Variants in PIK3R2 observed in about 807,000 individuals in gnomAD.
The protein encoded by PIK3R2 is phosphatidylinositol 3-kinase regulatory subunit beta.
Under a neutral mutation model 78.5 loss-of-function variants are expected in PIK3R2, and 40 were observed. The ratio of observed to expected loss-of-function variants is 0.51; its 90% CI spans 0.40 to 0.66. The LOEUF is 0.66. Ranked by LOEUF, PIK3R2 falls within the 30% of genes least tolerant of loss-of-function variation. PIK3R2 has a pLI of 0.00. For synonymous variants in PIK3R2, 473 were observed against 457.7 expected (o/e 1.03, Z -0.43); for missense variants, 880 against 1,026.6 (o/e 0.86, Z 1.95).
intron 11 of PIK3R2, among the ~76,000 whole-genome samples, chr19:18,164,901 TA>T (rs111954526): frequency 0.89 from 115,388 of 130,284 alleles, 51,253 homozygotes; most frequent in Non-Finnish European, 0.94. Context: ...CTCCCAAAGT[TA>T]AAAAAAAAAA....
intron 2 of PIK3R2, among the ~76,000 whole-genome samples, chr19:18,157,190 G>A (rs1232881983): frequency 6.6e-6 from 1 of 152,226 alleles, no homozygotes; most frequent in Non-Finnish European, 1.5e-5. Context: ...CTGAGGTGGT[G>A]CGACGCTGGC....
chr19:18,155,726 A>G lies in PIK3R2; in HGVS notation c.-154A>G. On this transcript the variant is annotated 5_prime_UTR_variant, in exon 2 of 16. Transcript: ENST00000222254. Reference sequence around the variant, plus strand: ...ATGGAATAATTTGAAGCGAGGCATGAGCGGCCCCTGTGGTCGCCTGTGACT... The same window carrying G: ...ATGGAATAATTTGAAGCGAGGCATGGGCGGCCCCTGTGGTCGCCTGTGACT... The G allele has an allele frequency of 1.6e-6, 1 of 612,434 alleles. No individual in the cohort carries two copies. 37.9% of individuals were successfully genotyped at this position (612,434 alleles called of 1,614,324 possible).
In PIK3R2 at chr19:18,168,941, C is replaced by T. The variant is rs2043838516; in HGVS notation, c.1979+45C>T. The T allele has an allele frequency of 6.3e-7, 1 of 1,587,650 alleles. No individual in the cohort carries two copies. The highest frequency in any genetic ancestry group is 1.1e-5 in the South Asian group (1 of 88,852). ...GGGGATTCCCGCGTCCCTCCCAGAG[C>T]TCTCATTGAATGCCTGCCGCGTGCC... On this transcript the variant is annotated intron_variant, in intron 15 of 15. Transcript: ENST00000222254. The surrounding 1 kb of genome is among the most constrained non-coding windows in gnomAD (Gnocchi z 4.1).
chr19:18,162,973 C>T lies in PIK3R2; in HGVS notation c.1116C>T (p.Gly372=), dbSNP rs759654380. ...CACCCCTCTCCTCCCCCAGGAAAGG[C>T]GGGAACAATAAGCTGATCAAGGTCT... ...QGEYTLTLRK[G]GNNKLIKVFH... is the part of the protein sequence containing the mutation. The change falls in exon 10 of 16, where the codon GGC becomes GGT. Residue 372 remains glycine, a synonymous_variant. Transcript: ENST00000222254. The T allele has an allele frequency of 2.5e-6, 4 of 1,613,164 alleles. No individual in the cohort carries two copies. Among genetic ancestry groups the T allele is most frequent in the East Asian group, 2.2e-5 (1 of 44,852 alleles).
intron 1 of PIK3R2, among the ~76,000 whole-genome samples, chr19:18,154,334 C>A (rs897985376): frequency 3.3e-5 from 5 of 151,978 alleles, no homozygotes; most frequent in Non-Finnish European, 5.9e-5. Context: ...AGCTGCAGTA[C>A]CCCCACCTTC....
At chr19:18,165,980 G>A (rs1341122302) in intron 11 of PIK3R2, 180 bp from the exon 12 acceptor site, 44 of 773,860 alleles carry the variant, frequency 5.7e-5, no homozygotes, top group Non-Finnish European at 2.8e-5. Flanking sequence ...GAGGGTTTGG[G>A]GGGTGGGGTT....
At position 18,155,912 on chromosome 19, in the gene PIK3R2, TCTGTAC is replaced by T. The variant is rs2043672894; in HGVS notation, c.35_40del (p.Leu12_Tyr13del). The T allele has an allele frequency of 1.3e-6, 2 of 1,564,284 alleles. No homozygotes were observed. Among genetic ancestry groups the T allele is most frequent in the Non-Finnish European group, 1.7e-6 (2 of 1,154,818 alleles). On this transcript the variant is annotated inframe_deletion, in exon 2 of 16. Transcript: ENST00000222254. ...GCCCTGAGGGCTTCCAGTACCGCGCTCTGTACCCGTTCCGCCGGGAGCGGCCGGAGG... is the reference window on the plus strand; with the variant it reads ...GCCCTGAGGGCTTCCAGTACCGCGCTCCGTTCCGCCGGGAGCGGCCGGAGG...
intron 9 of PIK3R2, 192 bp from the exon 10 acceptor site, chr19:18,162,775 A>T: frequency 1.6e-6 from 1 of 616,200 alleles, no homozygotes; most frequent in East Asian, 2.8e-5. Context: ...CTGTAATCCC[A>T]ACTACTCGGG....
chr19:18,158,771 G>A (rs1248285458), intron 2 of PIK3R2, among the ~76,000 whole-genome samples: 1 of 152,162 alleles, frequency 6.6e-6, no homozygotes, highest in Non-Finnish European at 1.5e-5. Flanking sequence ...AGTGGCTGCC[G>A]CAAAAATTAC....
chr19:18,155,864 C>T lies in PIK3R2; in HGVS notation c.-16C>T, dbSNP rs748926876. 1.6e-5 allele frequency: 25 copies of T among 1,532,536 alleles called. No homozygotes were observed. The highest frequency in any genetic ancestry group is 6.2e-6 in the Non-Finnish European group (7 of 1,138,122). 94.9% of individuals were successfully genotyped at this position (1,532,536 alleles called of 1,614,324 possible). A position where few individuals can be genotyped will look rare whatever the true frequency, so the allele number is the denominator to read the frequency against. ...CAGCCACCTAACCATCCAGACCCCACCCCACTCACGCGGCCATGGCGGGCC... is the reference window on the plus strand; with the variant it reads ...CAGCCACCTAACCATCCAGACCCCATCCCACTCACGCGGCCATGGCGGGCC... On this transcript the variant is annotated 5_prime_UTR_variant, in exon 2 of 16. Coordinates refer to ENST00000222254, the MANE Select transcript of PIK3R2 (RefSeq NM_005027.4).
At chr19:18,160,627 A>G (rs2043732011) in intron 3 of PIK3R2, 64 bp downstream of exon 3, 1 of 1,274,582 alleles carries the variant, frequency 7.8e-7, no homozygotes. Flanking sequence ...CAGGCGACTC[A>G]TCCTCTCACA....
In PIK3R2 at chr19:18,167,157, G is replaced by A. The variant is rs2147957511; in HGVS notation, c.1587G>A (p.Lys529=). 1 of 1,603,322 alleles carries A rather than the reference G, an allele frequency of 6.2e-7. No homozygotes were observed. Among genetic ancestry groups the A allele is most frequent in the Non-Finnish European group, 8.5e-7 (1 of 1,174,846 alleles). ...QRILLNSERL[K]SRIAEIHESR... ...TCCTGCTGAACTCCGAGCGGCTCAA[G>A]TCCCGCATTGCCGAGATCCATGAGA... The change falls in exon 13 of 16, where the codon AAG becomes AAA. Residue 529 remains lysine (K), a synonymous_variant. Transcript: ENST00000222254. This position sits in a 1 kb window ranked among gnomAD's most constrained non-coding sequence, Gnocchi z 4.5.
chr19:18,163,821 C>CTAAAAACAAA (rs10664639), intron 11 of PIK3R2, among the ~76,000 whole-genome samples: 134,696 of 151,150 alleles, frequency 0.89, 60,340 homozygotes, highest in Non-Finnish European at 0.95. Context: ...GACCTTGTCT[C>CTAAAAACAAA]TAAAAACAGA....
At position 18,162,157 on chromosome 19, in the gene PIK3R2, G is replaced by A. The variant is rs765773327; in HGVS notation, c.902-45G>A. ...CTGGTTGCAGTGGGAGGCAGCCACA[G>A]TATACAGTCGGTGCTCAGGATGCAT... On this transcript the variant is annotated intron_variant, in intron 7 of 15. Coordinates refer to ENST00000222254, the MANE Select transcript of PIK3R2 (RefSeq NM_005027.4). 2.5e-5 allele frequency: 35 copies of A among 1,415,100 alleles called. No homozygotes were observed. In the South Asian group the frequency reaches 3.6e-4, roughly 14 times the overall value. 87.7% of individuals were successfully genotyped at this position (1,415,100 alleles called of 1,614,324 possible).
Position 18,161,609 on chromosome 19 carries a change from G to T in PIK3R2, c.815+114G>T. ...CTAAGAAGGGAGGGGATGGGGTCCA[G>T]AGTGAGAAGCTGCGTTCTTGTGATG... On this transcript the variant is annotated intron_variant, in intron 6 of 15. Transcript: ENST00000222254. The surrounding 1 kb of genome is among the most constrained non-coding windows in gnomAD (Gnocchi z 5.3). 1 of 484,882 alleles carries T rather than the reference G, an allele frequency of 2.1e-6. No homozygotes were observed. Among genetic ancestry groups the T allele is most frequent in the East Asian group, 3.7e-5 (1 of 27,048 alleles). 30.0% of individuals were successfully genotyped at this position (484,882 alleles called of 1,614,324 possible).
chr19:18,159,456 T>A (rs2043717830), intron 2 of PIK3R2, among the ~76,000 whole-genome samples: 1 of 152,034 alleles, frequency 6.6e-6, no homozygotes, highest in African/African-American at 2.4e-5. Context: ...CTCTTCTTTT[T>A]TTTGAGACAG....
intron 11 of PIK3R2, 116 bp from the exon 12 acceptor site, chr19:18,166,044 T>C: frequency 7.6e-7 from 1 of 1,315,092 alleles, no homozygotes; most frequent in Non-Finnish European, 1.1e-6. Flanking sequence ...AGAATGACAC[T>C]CTGATAGAGG....
chr19:18,170,034 C>T lies in PIK3R2; in HGVS notation c.*740C>T, dbSNP rs950725355. The T allele has an allele frequency of 2.9e-5, 5 of 173,238 alleles. No individual in the cohort carries two copies. The highest frequency in any genetic ancestry group is 6.2e-5 in the Non-Finnish European group (5 of 80,008). The allele number at this position is 173,238 out of a possible 1,614,324, so 10.7% of individuals were successfully genotyped here. Reference sequence around the variant, plus strand: ...GGCCAGCCTGGCCAAAATGGCAAAACCCCGCATCTACTAAAATACAAAAAT... The same window carrying T: ...GGCCAGCCTGGCCAAAATGGCAAAATCCCGCATCTACTAAAATACAAAAAT... On this transcript the variant is annotated 3_prime_UTR_variant, in exon 16 of 16. Transcript: ENST00000222254.
chr19:18,163,481 T>C (rs2147953935), intron 11 of PIK3R2, 93 bp downstream of exon 11: 1 of 1,390,320 alleles, frequency 7.2e-7, no homozygotes, highest in East Asian at 2.3e-5. Context: ...GACTTGAGGA[T>C]GAATATCCAG....
Sources: gnomAD v4.1 joint callset for allele counts (sites outside exome capture counted in the v4.1 genomes callset) on GRCh38, gnomAD v4.1.1 for gene constraint, Gnocchi (gnomAD v3.1) non-coding constraint, MANE v1.5 for transcripts, NCBI Gene and HGNC (gene_info 2026-07-23, HGNC 2026-07-21) for gene names.